RPS6KC1: variants seen among roughly 807,000 people sequenced by gnomAD.
RPS6KC1 encodes ribosomal protein S6 kinase C1, also known as inactive ribosomal protein S6 kinase delta-1.
Under a neutral mutation model 103.8 loss-of-function variants are expected in RPS6KC1, and 54 were observed. That is an observed-to-expected ratio of 0.52 (90% confidence interval 0.42 to 0.65). The LOEUF (loss-of-function observed/expected upper bound fraction) is 0.65, where lower values mean the gene tolerates loss of function less well. RPS6KC1 is among the 30% of genes least tolerant of loss of function. The pLI is 0.00. For missense variants in RPS6KC1, 1,151 were observed against 1,253.8 expected (o/e 0.92, Z 1.24); for synonymous variants, 439 against 438.7 (o/e 1.00, Z -0.01).
At chr1:213,223,124 T>C (rs1239838964) in intron 8 of RPS6KC1, among the ~76,000 whole-genome samples, 5 of 152,220 alleles carry the variant, frequency 3.3e-5, no homozygotes, top group Non-Finnish European at 7.3e-5. Context: ...ACAGTTGATA[T>C]CTCATCCAGA....
rs147224564 is a variant in RPS6KC1, at chr1:213,158,233, A to G, written c.836-9625A>G. On this transcript the variant is annotated intron_variant, in intron 6 of 14. Coordinates refer to ENST00000366960, the MANE Select transcript of RPS6KC1 (RefSeq NM_012424.6). ...AAATACATTTGTAGCTGTGTAAGCC[A>G]GGTAAATCAGTACTGTGACTTCTTG... is the stretch of plus-strand genomic sequence containing the variant. 9.8e-5 allele frequency among the ~76,000 whole-genome samples: 15 copies of G among 152,370 alleles called. No individual in the cohort carries two copies. The East Asian group carries it at 2.7e-3, about 27-fold the overall frequency.
At position 213,167,844 on chromosome 1, in the gene RPS6KC1, A is replaced by G; in HGVS notation, c.836-14A>G. The G allele has an allele frequency of 1.3e-6, 2 of 1,553,950 alleles. No homozygotes were observed. Among genetic ancestry groups the G allele is most frequent in the African/African-American group, 2.7e-5 (2 of 72,826 alleles). On this transcript the variant is annotated splice_polypyrimidine_tract_variant and intron_variant, in intron 6 of 14. Coordinates refer to ENST00000366960, the MANE Select transcript of RPS6KC1 (RefSeq NM_012424.6). ...GAAAATTTATTTTTTACATGTCCAG[A>G]CTTTTTTTTTTAGGAGAGTCAAGCC...
intron 1 of RPS6KC1, among the ~76,000 whole-genome samples, chr1:213,062,346 C>G (rs1186092406): frequency 6.6e-6 from 1 of 151,942 alleles, no homozygotes. Context: ...GGTCATGTCC[C>G]CAATATATTT....
At chr1:213,260,728 C>A (rs1573674500) in intron 12 of RPS6KC1, among the ~76,000 whole-genome samples, 4 of 115,378 alleles carry the variant, frequency 3.5e-5, no homozygotes, top group Admixed American at 9.9e-5. Flanking sequence ...ATTAGGAAAG[C>A]ACAAGATAAT....
intron 4 of RPS6KC1, among the ~76,000 whole-genome samples, chr1:213,111,477 A>G (rs925304808): frequency 2.0e-5 from 3 of 152,110 alleles, no homozygotes; most frequent in Non-Finnish European, 4.4e-5. Context: ...GTTTCATTAA[A>G]TATTTGTTCT....
At chr1:213,724,260 A>G in the RPS6KC1 span, among the ~76,000 whole-genome samples, 4 of 152,236 alleles carry the variant, frequency 2.6e-5, no homozygotes, top group South Asian at 8.3e-4. Context: ...GCAAATTTTC[A>G]GTGGAGACGG....
In RPS6KC1 at chr1:213,155,150, TTCCTC is replaced by T. The variant is rs1213376560; in HGVS notation, c.836-12703_836-12699del. 2.0e-5 allele frequency among the ~76,000 whole-genome samples: 3 copies of T among 152,260 alleles called. No homozygotes were observed. In the East Asian group the frequency reaches 5.8e-4, roughly 29 times the overall value. Reference sequence around the variant, plus strand: ...GATGCAAGACAAAGTCCTCCCCACTTTCCTCTCCTTTCCTCAAGTGGAGGAATGGC... The same window carrying T: ...GATGCAAGACAAAGTCCTCCCCACTTTCCTTTCCTCAAGTGGAGGAATGGC... On this transcript the variant is annotated intron_variant, in intron 6 of 14. Transcript: ENST00000366960.
chr1:213,163,708 G>T lies in RPS6KC1; in HGVS notation c.836-4150G>T, dbSNP rs181807773. Among the ~76,000 whole-genome samples, 338 of 152,114 alleles carry T rather than the reference G, an allele frequency of 2.2e-3. 2 individuals carry two copies. Among genetic ancestry groups the T allele is most frequent in the African/African-American group, 7.9e-3 (329 of 41,492 alleles). On this transcript the variant is annotated intron_variant, in intron 6 of 14. Coordinates refer to ENST00000366960, the MANE Select transcript of RPS6KC1 (RefSeq NM_012424.6). ...TTTTTTAAATGGGCAAATGAGAAAA[G>T]GCCATTGTTATCCAAATACATATTT...
At chr1:213,589,642 C>T in the RPS6KC1 span, among the ~76,000 whole-genome samples, 1 of 129,090 alleles carries the variant, frequency 7.7e-6, no homozygotes, top group Non-Finnish European at 1.7e-5. Context: ...AACTCTGTTT[C>T]AAAAAAAAAA....
chr1:213,576,601 ATGT>A, the RPS6KC1 span, among the ~76,000 whole-genome samples: 1 of 152,092 alleles, frequency 6.6e-6, no homozygotes, highest in Non-Finnish European at 1.5e-5. Context: ...TAATCAATAA[ATGT>A]TGTTTGTGTT....
rs2094344197 is a variant in RPS6KC1, at chr1:213,241,216, A to G, written c.1740A>G (p.Ala580=). ...LKFFPNDDPE[A]VSSPRTSDSL... Reference sequence around the variant, plus strand: ...TCTTCCCCAACGATGACCCAGAAGCAGTTAGTTCTCCAAGAACATCAGATT... The same window carrying G: ...TCTTCCCCAACGATGACCCAGAAGCGGTTAGTTCTCCAAGAACATCAGATT... The change falls in exon 11 of 15, where the codon GCA becomes GCG. Residue 580 remains alanine, a synonymous_variant. Transcript: ENST00000366960. 1 of 1,613,716 alleles carries G rather than the reference A, an allele frequency of 6.2e-7. No homozygotes were observed. Among genetic ancestry groups the G allele is most frequent in the African/African-American group, 1.3e-5 (1 of 74,932 alleles).
chr1:213,670,557 C>T, the RPS6KC1 span, among the ~76,000 whole-genome samples: 1 of 152,336 alleles, frequency 6.6e-6, no homozygotes, highest in East Asian at 1.9e-4. Flanking sequence ...CAGGAACAGA[C>T]AGCAAAGATT....
the RPS6KC1 span, among the ~76,000 whole-genome samples, chr1:213,722,842 C>T: frequency 6.6e-6 from 1 of 152,186 alleles, no homozygotes; most frequent in South Asian, 2.1e-4. Context: ...TCTGAAAACT[C>T]TTTCCAGTCC....
At chr1:213,163,617 T>C (rs1470668090) in intron 6 of RPS6KC1, among the ~76,000 whole-genome samples, 1 of 152,172 alleles carries the variant, frequency 6.6e-6, no homozygotes, top group East Asian at 1.9e-4. Context: ...AAAGAACCGT[T>C]TTTTATTCTA....
the RPS6KC1 span, among the ~76,000 whole-genome samples, chr1:213,464,740 C>T: frequency 6.7e-6 from 1 of 149,992 alleles, no homozygotes; most frequent in Non-Finnish European, 1.5e-5. Flanking sequence ...ATGTCGTATT[C>T]TGTTTGTTTT....
At chr1:213,234,983 C>G (rs1158581867) in intron 10 of RPS6KC1, among the ~76,000 whole-genome samples, 1 of 152,180 alleles carries the variant, frequency 6.6e-6, no homozygotes. Flanking sequence ...TTGAGCAATG[C>G]AGTGAACTGG....
intron 14 of RPS6KC1, among the ~76,000 whole-genome samples, chr1:213,266,705 G>A (rs906553857): frequency 2.6e-5 from 4 of 151,950 alleles, no homozygotes; most frequent in South Asian, 2.1e-4. Flanking sequence ...TCAGGAGTTC[G>A]AGACCAGCCT....
At chr1:213,076,418 C>T (rs1274207251) in intron 2 of RPS6KC1, among the ~76,000 whole-genome samples, 1 of 152,116 alleles carries the variant, frequency 6.6e-6, no homozygotes, top group Admixed American at 6.5e-5. Context: ...CTGTTATTTG[C>T]TCATTAGCAT....
At chr1:213,607,649 G>C in the RPS6KC1 span, among the ~76,000 whole-genome samples, 367 of 150,778 alleles carry the variant, frequency 2.4e-3, 1 homozygote, top group African/African-American at 8.0e-3. Flanking sequence ...ATGCTAGCCT[G>C]TTACCTGGCA....
Sources: gnomAD v4.1 joint callset for allele counts (sites outside exome capture counted in the v4.1 genomes callset) on GRCh38, gnomAD v4.1.1 for gene constraint, MANE v1.5 for transcripts, NCBI Gene and HGNC (gene_info 2026-07-23, HGNC 2026-07-21) for gene names.